CAMK1D: variants seen among roughly 807,000 people sequenced by gnomAD.
CAMK1D encodes calcium/calmodulin dependent protein kinase ID, also known as calcium/calmodulin-dependent protein kinase type 1D.
A neutral mutation model predicts 47.7 loss-of-function variants in CAMK1D; 9 were observed. The ratio of observed to expected loss-of-function variants is 0.19; its 90% CI spans 0.11 to 0.33. The LOEUF is 0.33. Ranked by LOEUF, CAMK1D falls within the 10% of genes least tolerant of loss-of-function variation. The pLI, the probability that CAMK1D is intolerant of heterozygous loss-of-function variation, is 1.00. For synonymous variants in CAMK1D, 184 were observed against 184.9 expected, an observed-to-expected ratio of 0.99 and a Z score of 0.04; for missense variants, 291 against 488.7, an observed-to-expected ratio of 0.60 and a Z score of 3.81.
chr10:12,739,066 G>A (rs989680532), intron 3 of CAMK1D, among the ~76,000 whole-genome samples: 3 of 151,450 alleles, frequency 2.0e-5, no homozygotes, highest in Non-Finnish European at 4.4e-5. Context: ...GGGAAACCTC[G>A]TTTCTGCAAA....
intron 1 of CAMK1D, among the ~76,000 whole-genome samples, chr10:12,524,197 G>T (rs966287833): frequency 6.6e-6 from 1 of 150,680 alleles, no homozygotes; most frequent in Non-Finnish European, 1.5e-5. Context: ...GATCTCCTGA[G>T]ATCGTAATCC....
At chr10:12,751,058 TAA>T (rs1835927984) in intron 3 of CAMK1D, among the ~76,000 whole-genome samples, 1 of 1,366 alleles carries the variant, frequency 7.3e-4, no homozygotes, top group Non-Finnish European at 1.4e-3. Context: ...CCCAATAAGA[TAA>T]GATAAGATAA....
chr10:12,484,035 C>G (rs1354261118), intron 1 of CAMK1D, among the ~76,000 whole-genome samples: 1 of 152,184 alleles, frequency 6.6e-6, no homozygotes, highest in African/African-American at 2.4e-5. Flanking sequence ...GACCCGGTGA[C>G]TTCATGGGGG....
chr10:12,424,006 A>G (rs1202700995), intron 1 of CAMK1D, among the ~76,000 whole-genome samples: 2 of 152,130 alleles, frequency 1.3e-5, no homozygotes, highest in African/African-American at 2.4e-5. Context: ...AAGGCCACCC[A>G]TCTCGCCGTC....
chr10:12,686,659 T>C (rs937270209), intron 3 of CAMK1D, among the ~76,000 whole-genome samples: 1 of 152,124 alleles, frequency 6.6e-6, no homozygotes, highest in African/African-American at 2.4e-5. Context: ...AACAGAGTTA[T>C]ATAGAAACAT....
chr10:12,641,381 G>A (rs1839661646), intron 2 of CAMK1D, among the ~76,000 whole-genome samples: 1 of 152,144 alleles, frequency 6.6e-6, no homozygotes, highest in Non-Finnish European at 1.5e-5. Flanking sequence ...CAGCACTTTA[G>A]GAGACTGAGG....
intron 1 of CAMK1D, among the ~76,000 whole-genome samples, chr10:12,449,451 A>AG (rs1244594435): frequency 6.6e-6 from 1 of 152,028 alleles, no homozygotes; most frequent in Admixed American, 6.6e-5. Flanking sequence ...AAAAAAAAAA[A>AG]GTGAAGATAT....
chr10:12,603,316 TG>T (rs1387700990), intron 2 of CAMK1D, among the ~76,000 whole-genome samples: 1 of 152,192 alleles, frequency 6.6e-6, no homozygotes, highest in Non-Finnish European at 1.5e-5. Flanking sequence ...TGCGTCCTGC[TG>T]GGACACCAGT....
At chr10:12,821,858 C>T (rs1425070022) in intron 8 of CAMK1D, among the ~76,000 whole-genome samples, 1 of 152,048 alleles carries the variant, frequency 6.6e-6, no homozygotes, top group Non-Finnish European at 1.5e-5. Flanking sequence ...GCCTGTAATC[C>T]CAGCTACTCA....
At chr10:12,585,559 A>T (rs779769076) in intron 2 of CAMK1D, among the ~76,000 whole-genome samples, 12 of 152,224 alleles carry the variant, frequency 7.9e-5, no homozygotes, top group Non-Finnish European at 1.5e-4. Context: ...GAGAGACCTC[A>T]CAATCATGGG....
Position 12,829,678 on chromosome 10 carries a change from A to G in CAMK1D, c.*791A>G. 6.6e-6 allele frequency: 1 copy of G among 151,094 alleles called. No individual in the cohort carries two copies. The highest frequency in any genetic ancestry group is 1.5e-5 in the Non-Finnish European group (1 of 67,994). 9.4% of individuals were successfully genotyped at this position (151,094 alleles called of 1,614,324 possible). ...AACCCGGGAGACGGAGGTTGCAGTG[A>G]GCTGAGATCGTGCCACTGCACTCCA... On this transcript the variant is annotated 3_prime_UTR_variant, in exon 11 of 11. Coordinates refer to ENST00000619168, the MANE Select transcript of CAMK1D (RefSeq NM_153498.4).
chr10:12,522,093 G>A (rs1312296718), intron 1 of CAMK1D, among the ~76,000 whole-genome samples: 1 of 150,854 alleles, frequency 6.6e-6, no homozygotes, highest in Admixed American at 6.6e-5. Context: ...GTAAATAGTG[G>A]GCCTACTATT....
chr10:12,775,060 C>G (rs1837221888), intron 5 of CAMK1D, among the ~76,000 whole-genome samples: 1 of 146,378 alleles, frequency 6.8e-6, no homozygotes, highest in African/African-American at 2.5e-5. Context: ...AGGCATTGAT[C>G]AGGTGAGACT....
intron 2 of CAMK1D, among the ~76,000 whole-genome samples, chr10:12,658,785 C>T (rs1840190363): frequency 1.3e-5 from 2 of 152,082 alleles, no homozygotes; most frequent in South Asian, 4.1e-4. Context: ...AACCACCTTC[C>T]CACTCCATTC....
chr10:12,517,895 G>C (rs1483238883), intron 1 of CAMK1D, among the ~76,000 whole-genome samples: 4 of 152,064 alleles, frequency 2.6e-5, no homozygotes, highest in African/African-American at 7.2e-5. Context: ...AGGAATCCTT[G>C]ACTTACAAAA....
At chr10:12,805,946 G>A (rs1027158063) in intron 6 of CAMK1D, among the ~76,000 whole-genome samples, 5 of 152,212 alleles carry the variant, frequency 3.3e-5, no homozygotes, top group African/African-American at 9.6e-5. Context: ...AAACCAACAC[G>A]CATGCCACGA....
At chr10:12,389,967 C>T (rs1838665095) in intron 1 of CAMK1D, among the ~76,000 whole-genome samples, 2 of 151,966 alleles carry the variant, frequency 1.3e-5, no homozygotes, top group South Asian at 4.1e-4. Context: ...CATCTTTGTG[C>T]TGTGCATGGG....
intron 3 of CAMK1D, among the ~76,000 whole-genome samples, chr10:12,711,314 G>A (rs1353596084): frequency 6.6e-6 from 1 of 152,166 alleles, no homozygotes; most frequent in African/African-American, 2.4e-5. Flanking sequence ...AACACAGAGC[G>A]AGAAACTGAA....
chr10:12,725,388 C>A (rs1834577115), intron 3 of CAMK1D: 1 of 155,790 alleles, frequency 6.4e-6, no homozygotes, highest in Non-Finnish European at 1.5e-5. Flanking sequence ...AGCTTCTTTC[C>A]ATTAAACTCA....
Sources: gnomAD v4.1 joint callset for allele counts (sites outside exome capture counted in the v4.1 genomes callset) on GRCh38, gnomAD v4.1.1 for gene constraint, MANE v1.5 for transcripts, NCBI Gene and HGNC (gene_info 2026-07-23, HGNC 2026-07-21) for gene names.